Variants in TRIO observed in about 807,000 individuals in gnomAD.
TRIO encodes trio Rho guanine nucleotide exchange factor.
In TRIO, 58 loss-of-function variants were observed where a neutral mutation model predicts 351.9. The observed-to-expected ratio is 0.16, with a 90% confidence interval of 0.13 to 0.21. The LOEUF is 0.21. TRIO is among the 10% of genes least tolerant of loss of function. The probability of loss-of-function intolerance (pLI) is 1.00; values close to 1 mark genes in which losing one functional copy is unlikely to be tolerated. For synonymous variants in TRIO, 1,758 were observed against 1,595.7 expected, an observed-to-expected ratio of 1.10 and a Z score of -2.42; for missense variants, 3,201 against 4,027.8, an observed-to-expected ratio of 0.79 and a Z score of 5.56.
intron 20 of TRIO, among the ~76,000 whole-genome samples, chr5:14,379,459 G>A (rs1434623474): frequency 6.6e-6 from 1 of 152,212 alleles, no homozygotes; most frequent in South Asian, 2.1e-4. Flanking sequence ...CCTAGGCCAG[G>A]GATCTGGCGC....
At chr5:14,471,007 T>G (rs955070066) in intron 37 of TRIO, among the ~76,000 whole-genome samples, 1 of 152,204 alleles carries the variant, frequency 6.6e-6, no homozygotes, top group Non-Finnish European at 1.5e-5. Flanking sequence ...TGTCCAAAAA[T>G]GGGTGCAGTA....
At chr5:14,401,172 TGTGTG>T (rs1748038607) in intron 31 of TRIO, 108 bp downstream of exon 31, 1 of 924,378 alleles carries the variant, frequency 1.1e-6, no homozygotes, top group East Asian at 2.7e-5. Context: ...TTGTTGTTTG[TGTGTG>T]TGTGTTCTAT....
chr5:14,481,874 T>A lies in TRIO; in HGVS notation c.6465+256T>A, dbSNP rs780995166. On this transcript the variant is annotated intron_variant, in intron 45 of 56. Transcript: ENST00000344204. ...ATGGCAGAAACAAGCAGGACCGGGC[T>A]TTGTCTCTTGGGCCCAGTACTGTAA... 4.2e-5 allele frequency: 19 copies of A among 451,828 alleles called. 1 individual carries two copies. Among genetic ancestry groups the A allele is most frequent in the Non-Finnish European group, 7.1e-5 (18 of 254,364 alleles). The allele number at this position is 451,828 out of a possible 1,614,324, so 28.0% of individuals were successfully genotyped here.
chr5:14,482,699 G>A lies in TRIO; in HGVS notation c.6583G>A (p.Val2195Ile), dbSNP rs201465691. ...ERRIFLFEQI[V>I]IFSEPLDKKK... ...GCGCATCTTCCTCTTTGAGCAGATC[G>A]TCATATTCAGCGAACCACTTGATAA... Residue 2195 changes from valine (V) to isoleucine (I), a missense_variant, in exon 46 of 57, where the codon GTC becomes ATC. Coordinates refer to ENST00000344204, the MANE Select transcript of TRIO (RefSeq NM_007118.4). The A allele has an allele frequency of 9.3e-6, 15 of 1,611,268 alleles. No individual in the cohort carries two copies. Among genetic ancestry groups the A allele is most frequent in the Middle Eastern group, 1.7e-4 (1 of 6,038 alleles).
chr5:14,465,838 A>T (rs964796135), intron 37 of TRIO, 198 bp downstream of exon 37: 1 of 605,070 alleles, frequency 1.7e-6, no homozygotes. Context: ...CATTATTCCC[A>T]CATTTGCAGT....
At chr5:14,270,710 A>T in intron 1 of TRIO, 115 bp from the exon 2 acceptor site, 1 of 752,148 alleles carries the variant, frequency 1.3e-6, no homozygotes, top group Non-Finnish European at 2.3e-6. Flanking sequence ...CATGTTTCTT[A>T]AGTTGATTTA....
chr5:14,154,542 C>T (rs1249532796), intron 1 of TRIO, among the ~76,000 whole-genome samples: 13 of 152,132 alleles, frequency 8.5e-5, no homozygotes, highest in Admixed American at 7.2e-4. Flanking sequence ...GTCTCAGGCA[C>T]GTGTCCTAGG....
rs1424019273 is a variant in TRIO at position 14,297,180 on chromosome 5, G to A, written c.1285G>A (p.Glu429Lys). Reference sequence around the variant, plus strand: ...GCAGATCGCGAGTCAGCTGGAGCAGGAGTGGAAGGCGTTTGCGGCAGCCCT... The same window carrying A: ...GCAGATCGCGAGTCAGCTGGAGCAGAAGTGGAAGGCGTTTGCGGCAGCCCT... ...IRQIASQLEQEWKAFAAALDE... is the reference protein window; with the variant it reads ...IRQIASQLEQKWKAFAAALDE... Residue 429 changes from glutamate to lysine, a missense_variant, in exon 7 of 57, where the codon GAG becomes AAG. Glu to Lys is a moderately conservative substitution (Grantham distance 56). Transcript: ENST00000344204. The A allele has an allele frequency of 5.0e-6, 8 of 1,614,098 alleles. No homozygotes were observed. The highest frequency in any genetic ancestry group is 1.7e-5 in the Admixed American group (1 of 60,010).
intron 9 of TRIO, among the ~76,000 whole-genome samples, chr5:14,321,596 G>T (rs369066142): frequency 1.3e-5 from 2 of 152,332 alleles, no homozygotes; most frequent in East Asian, 1.9e-4. Flanking sequence ...CCTATTCTGT[G>T]CCTTTTAACT....
intron 37 of TRIO, among the ~76,000 whole-genome samples, chr5:14,467,117 T>A (rs1561525047): frequency 6.6e-6 from 1 of 152,252 alleles, no homozygotes; most frequent in Non-Finnish European, 1.5e-5. Context: ...CTATAATTTA[T>A]TTAAATATAT....
At chr5:14,237,409 T>C (rs1048141214) in intron 1 of TRIO, among the ~76,000 whole-genome samples, 2 of 152,162 alleles carry the variant, frequency 1.3e-5, no homozygotes, top group East Asian at 1.9e-4. Context: ...GACAGTGATA[T>C]TGTGGGGCTG....
chr5:14,449,480 A>C (rs1752682487), intron 34 of TRIO, among the ~76,000 whole-genome samples: 2 of 152,172 alleles, frequency 1.3e-5, no homozygotes, highest in Admixed American at 6.5e-5. Context: ...CTAGCCCAAC[A>C]ACCACCACTT....
At chr5:14,500,888 C>CAAAA (rs34729667) in intron 53 of TRIO, among the ~76,000 whole-genome samples, 13 of 63,480 alleles carry the variant, frequency 2.0e-4, no homozygotes, top group Non-Finnish European at 3.4e-4. Context: ...GACTCTGCCT[C>CAAAA]AAAAAAAAAA....
rs377179966 is a variant in TRIO at position 14,482,644 on chromosome 5, T to C, written c.6528T>C (p.Asp2176=). 9.3e-5 allele frequency: 150 copies of C among 1,605,934 alleles called. No homozygotes were observed. The highest frequency in any genetic ancestry group is 1.5e-4 in the Admixed American group (9 of 59,380). Reference sequence around the variant, plus strand: ...ACACATTCTTGGTCACAGACCAAGATGCAGGACTTCTGCCTCGCTGCAGAG... The same window carrying C: ...ACACATTCTTGGTCACAGACCAAGACGCAGGACTTCTGCCTCGCTGCAGAG... The part of the protein sequence containing the change: ...LQDTFLVTDQ[D]AGLLPRCRER... The change falls in exon 46 of 57, where the codon GAT becomes GAC. Residue 2176 remains aspartate, a synonymous_variant. Transcript: ENST00000344204.
chr5:14,339,930 A>G (rs1233187604), intron 11 of TRIO, among the ~76,000 whole-genome samples: 3 of 152,264 alleles, frequency 2.0e-5, no homozygotes, highest in African/African-American at 7.2e-5. Flanking sequence ...ATGAAAAGCT[A>G]GATGGGCCTA....
chr5:14,377,678 C>CA (rs754730989), intron 19 of TRIO, among the ~76,000 whole-genome samples: 26 of 150,372 alleles, frequency 1.7e-4, no homozygotes, highest in Non-Finnish European at 3.7e-4. Context: ...GATTTTTTTT[C>CA]AGCCATTGTC....
At chr5:14,447,756 C>T (rs1752547560) in intron 34 of TRIO, among the ~76,000 whole-genome samples, 1 of 152,160 alleles carries the variant, frequency 6.6e-6, no homozygotes, top group Non-Finnish European at 1.5e-5. Context: ...TTCCATATGC[C>T]TTCTTCATGT....
At chr5:14,300,930 C>T (rs1737817934) in intron 7 of TRIO, among the ~76,000 whole-genome samples, 1 of 152,146 alleles carries the variant, frequency 6.6e-6, no homozygotes, top group Non-Finnish European at 1.5e-5. Flanking sequence ...GTCCCTTTGT[C>T]TCCTAAGTCC....
intron 34 of TRIO, among the ~76,000 whole-genome samples, chr5:14,441,955 A>C (rs1477770306): frequency 6.6e-6 from 1 of 152,206 alleles, no homozygotes; most frequent in Non-Finnish European, 1.5e-5. Context: ...GATTCCTGCA[A>C]AGGTTATTTG....
Sources: allele counts gnomAD v4.1 joint callset (sites outside exome capture counted in the v4.1 genomes callset), GRCh38; gene constraint gnomAD v4.1.1; transcripts MANE v1.5; gene names NCBI Gene and HGNC (gene_info 2026-07-23, HGNC 2026-07-21).